Variants in PTGES3 observed in about 807,000 individuals in gnomAD.
The protein encoded by PTGES3 is Hsp90 co-chaperone.
A neutral mutation model predicts 29.9 loss-of-function variants in PTGES3; 5 were observed. The observed-to-expected ratio is 0.17, with a 90% CI of 0.09 to 0.35. The LOEUF (loss-of-function observed/expected upper bound fraction) is 0.35. PTGES3 is among the 10% of genes least tolerant of loss of function. The pLI is 1.00. For synonymous variants in PTGES3, 49 were observed against 57.8 expected (o/e 0.85, Z 0.69); for missense variants, 128 against 190.0 (o/e 0.67, Z 1.92).
At chr12:56,675,885 T>C (rs1952216479) in intron 1 of PTGES3, among the ~76,000 whole-genome samples, 5 of 151,834 alleles carry the variant, frequency 3.3e-5, no homozygotes, top group South Asian at 2.1e-4. Flanking sequence ...ACCACGCCAT[T>C]GCACTCCAGC....
intron 6 of PTGES3, chr12:56,665,546 G>C (rs556786631): frequency 1.0e-6 from 1 of 984,890 alleles, no homozygotes; most frequent in African/African-American, 1.7e-5. Context: ...ACCCATCTCC[G>C]CCTCCCAATG....
intron 5 of PTGES3, among the ~76,000 whole-genome samples, chr12:56,669,134 G>C (rs200430630): frequency 2.7e-5 from 4 of 150,008 alleles, no homozygotes; most frequent in African/African-American, 9.8e-5. Flanking sequence ...CTTAGCCTCC[G>C]GAGTAGCTGG....
intron 6 of PTGES3, chr12:56,665,478 A>G (rs1951751456): frequency 1.1e-6 from 1 of 943,150 alleles, no homozygotes; most frequent in Non-Finnish European, 1.3e-6. Flanking sequence ...TATTTTTAGT[A>G]GAGATGGGGT....
chr12:56,671,420 A>G (rs1271869385), intron 4 of PTGES3, among the ~76,000 whole-genome samples: 3 of 152,144 alleles, frequency 2.0e-5, no homozygotes, highest in Non-Finnish European at 2.9e-5. Context: ...AACACTGAAA[A>G]TTGTTAAACA....
At chr12:56,685,394 CTTTTCTTTTTT>C (rs1952783292) in intron 1 of PTGES3, among the ~76,000 whole-genome samples, 1 of 96,912 alleles carries the variant, frequency 1.0e-5, no homozygotes, top group African/African-American at 3.7e-5. Context: ...AGCATTTTTT[CTTTTCTTTTTT>C]TTTTTTTTTT....
intron 1 of PTGES3, among the ~76,000 whole-genome samples, chr12:56,676,955 G>T (rs1438049904): frequency 7.0e-6 from 1 of 142,848 alleles, no homozygotes; most frequent in African/African-American, 2.7e-5. Flanking sequence ...AATAGTGCTG[G>T]CTAAGTGCGG....
rs11386164 is a variant in PTGES3, at chr12:56,683,957, C to CAAA, written c.2+4038_2+4040dup. Among the ~76,000 whole-genome samples, 11 of 109,278 alleles carry CAAA rather than the reference C, an allele frequency of 1.0e-4. No individual in the cohort carries two copies. The South Asian group carries it at 1.3e-3, about 13-fold the overall frequency. The allele number at this position is 109,278 out of a possible 152,430, so 71.7% of individuals were successfully genotyped here. A position where few individuals can be genotyped will look rare whatever the true frequency, so the allele number is the denominator to read the frequency against. On this transcript the variant is annotated intron_variant, in intron 1 of 7. Transcript: ENST00000262033. ...CCTGGGCGACAGCGAAACTCCGTCT[C>CAAA]AAAAAAAAAAAAAACAAAAAAAACA... is the stretch of plus-strand genomic sequence containing the variant.
chr12:56,686,873 C>A (rs1952888532), intron 1 of PTGES3: 1 of 342,370 alleles, frequency 2.9e-6, no homozygotes. Context: ...TATTACTTTT[C>A]CAAAGACATA....
At chr12:56,665,237 G>C (rs1951740398) in intron 6 of PTGES3, 1 of 973,922 alleles carries the variant, frequency 1.0e-6, no homozygotes, top group Non-Finnish European at 1.2e-6. Flanking sequence ...AAGATGTTGA[G>C]AAAAGTAGTT....
rs746244467 is a variant in PTGES3 at position 56,687,875 on chromosome 12, GC to G, written c.2+122del. 2.6e-4 allele frequency: 400 copies of G among 1,562,750 alleles called. 1 individual carries two copies. The highest frequency in any genetic ancestry group is 1.6e-3 in the African/African-American group (115 of 72,992). On this transcript the variant is annotated intron_variant, in intron 1 of 7. Transcript: ENST00000262033. ...CCGGAACAAGGATCCTGGACCTCCC[GC>G]CCCCAGGCAGGAACGACTGCCACCA...
chr12:56,669,699 C>T (rs917314848), intron 5 of PTGES3, among the ~76,000 whole-genome samples: 4 of 152,156 alleles, frequency 2.6e-5, no homozygotes, highest in Admixed American at 1.3e-4. Context: ...GCATCCTCTG[C>T]CTCCAGCGTT....
intron 6 of PTGES3, 85 bp from the exon 7 acceptor site, chr12:56,664,885 T>C (rs1951730561): frequency 1.3e-6 from 2 of 1,551,874 alleles, no homozygotes; most frequent in East Asian, 4.5e-5. Flanking sequence ...TCAAGTGCTA[T>C]ATTTTTGACT....
intron 1 of PTGES3, among the ~76,000 whole-genome samples, chr12:56,680,517 C>G (rs1952483143): frequency 6.6e-6 from 1 of 152,100 alleles, no homozygotes; most frequent in Admixed American, 6.6e-5. Flanking sequence ...TCCCAAGTAG[C>G]TGGGGTTACA....
At chr12:56,668,835 GT>G (rs1951882211) in intron 5 of PTGES3, among the ~76,000 whole-genome samples, 1 of 151,980 alleles carries the variant, frequency 6.6e-6, no homozygotes, top group Non-Finnish European at 1.5e-5. Flanking sequence ...ATACACTAAT[GT>G]TCTTTCTGTA....
intron 1 of PTGES3, among the ~76,000 whole-genome samples, chr12:56,676,754 C>T (rs892200087): frequency 2.6e-5 from 4 of 151,470 alleles, no homozygotes; most frequent in African/African-American, 7.3e-5. Flanking sequence ...GAAACCCCAT[C>T]GCTACTAAAA....
chr12:56,665,948 T>C, intron 6 of PTGES3: 1 of 1,180,386 alleles, frequency 8.5e-7, no homozygotes, highest in Non-Finnish European at 1.1e-6. Flanking sequence ...TTGAGTACGG[T>C]ATTAATATAT....
intron 1 of PTGES3, among the ~76,000 whole-genome samples, chr12:56,682,951 G>A (rs1260316234): frequency 7.3e-5 from 11 of 151,354 alleles, no homozygotes; most frequent in African/African-American, 2.2e-4. Context: ...CCAAGATCGC[G>A]CCACTGCACT....
At chr12:56,687,854 A>C (rs1952956629) in intron 1 of PTGES3, 144 bp downstream of exon 1, 1 of 1,519,710 alleles carries the variant, frequency 6.6e-7, no homozygotes, top group Admixed American at 2.1e-5. Flanking sequence ...CGGTAACCGG[A>C]ACAAGGATCC....
chr12:56,684,241 T>C (rs1952720987), intron 1 of PTGES3, among the ~76,000 whole-genome samples: 2 of 152,132 alleles, frequency 1.3e-5, no homozygotes, highest in Non-Finnish European at 2.9e-5. Context: ...AAAATCCAAT[T>C]AGTCAGGAGA....
Sources: gnomAD v4.1 joint callset for allele counts (sites outside exome capture counted in the v4.1 genomes callset) on GRCh38, gnomAD v4.1.1 for gene constraint, MANE v1.5 for transcripts, NCBI Gene and HGNC (gene_info 2026-07-23, HGNC 2026-07-21) for gene names.